HCN1: variants seen among roughly 807,000 people sequenced by gnomAD.
The protein encoded by HCN1 is hyperpolarization activated cyclic nucleotide gated potassium channel 1, also known as potassium/sodium hyperpolarization-activated cyclic nucleotide-gated channel 1.
Under a neutral mutation model 78.9 loss-of-function variants are expected in HCN1, and 13 were observed. The observed-to-expected ratio is 0.16, with a 90% confidence interval of 0.11 to 0.26. The LOEUF (loss-of-function observed/expected upper bound fraction) is 0.26, where lower values mean the gene tolerates loss of function less well. Among genes scored for constraint, HCN1 ranks in the 10% least tolerant of loss-of-function variants. HCN1 has a pLI of 1.00. For missense variants in HCN1, 810 were observed against 1,154.3 expected (o/e 0.70, Z 4.32); for synonymous variants, 552 against 455.5 (o/e 1.21, Z -2.70).
intron 2 of HCN1, among the ~76,000 whole-genome samples, chr5:45,626,671 C>T (rs1349459006): frequency 2.0e-5 from 3 of 151,744 alleles, no homozygotes; most frequent in East Asian, 3.9e-4. Context: ...AAGGACCAAG[C>T]GTCAAAAAAC....
intron 5 of HCN1, among the ~76,000 whole-genome samples, chr5:45,346,918 G>A (rs1349061906): frequency 6.6e-6 from 1 of 152,218 alleles, no homozygotes; most frequent in Non-Finnish European, 1.5e-5. Context: ...GCCTCTGTAG[G>A]CTCCACCTCT....
chr5:45,365,141 T>C (rs1037412820), intron 4 of HCN1, among the ~76,000 whole-genome samples: 2 of 152,080 alleles, frequency 1.3e-5, no homozygotes, highest in East Asian at 1.9e-4. Flanking sequence ...GCCATTTTTT[T>C]CATACGATCA....
rs543991284 is a variant in HCN1 at position 45,307,893 on chromosome 5, T to C, written c.1378-4054A>G. On this transcript the variant is annotated intron_variant, in intron 5 of 7. Transcript: ENST00000303230. ...GGTATTAAAAACGGGGGAAATTGGA[T>C]GTGATGTACATGGGAATTCTCCATA... 4.6e-5 allele frequency among the ~76,000 whole-genome samples: 7 copies of C among 152,214 alleles called. No individual in the cohort carries two copies. In the South Asian group the frequency reaches 1.2e-3, roughly 27 times the overall value.
intron 4 of HCN1, among the ~76,000 whole-genome samples, chr5:45,362,281 A>AT (rs1377883762): frequency 1.3e-5 from 2 of 151,706 alleles, no homozygotes; most frequent in Admixed American, 6.6e-5. Context: ...TCACTCTTCC[A>AT]TTTTTTTAAA....
intron 2 of HCN1, among the ~76,000 whole-genome samples, chr5:45,516,693 T>C (rs1395577564): frequency 6.6e-6 from 1 of 151,914 alleles, no homozygotes; most frequent in Non-Finnish European, 1.5e-5. Flanking sequence ...ATAGAAAAAT[T>C]TGATTAATAA....
In HCN1 at chr5:45,273,620, C is replaced by A. The variant is rs541246929; in HGVS notation, c.1619-6367G>T. 6.0e-4 allele frequency among the ~76,000 whole-genome samples: 91 copies of A among 152,212 alleles called. 2 individuals carry two copies. The highest frequency in any genetic ancestry group is 4.5e-3 in the Admixed American group (69 of 15,270). ...TAACCTGAGCTTCTAGAATTTTGGG[C>A]AAAACTGTACTTAGCTTCTCATAGT... is the stretch of plus-strand genomic sequence containing the variant. On this transcript the variant is annotated intron_variant, in intron 6 of 7. Transcript: ENST00000303230.
intron 5 of HCN1, among the ~76,000 whole-genome samples, chr5:45,336,360 T>A (rs1313120541): frequency 6.6e-6 from 1 of 152,128 alleles, no homozygotes; most frequent in African/African-American, 2.4e-5. Flanking sequence ...AACTGTAATG[T>A]TCCTTTACTA....
intron 1 of HCN1, among the ~76,000 whole-genome samples, chr5:45,658,240 A>G (rs906958333): frequency 4.6e-5 from 7 of 152,228 alleles, no homozygotes; most frequent in African/African-American, 1.4e-4. Context: ...AATTAATTCC[A>G]GATGGATTAA....
At chr5:45,645,718 G>T (rs2112032606) in intron 1 of HCN1, 110 bp from the exon 2 acceptor site, 6 of 602,458 alleles carry the variant, frequency 1.0e-5, no homozygotes, top group East Asian at 5.7e-5. Context: ...AAAGAACAAA[G>T]AAATGATTTT....
intron 1 of HCN1, among the ~76,000 whole-genome samples, chr5:45,653,619 A>G (rs1201734714): frequency 6.6e-6 from 1 of 151,958 alleles, no homozygotes; most frequent in Non-Finnish European, 1.5e-5. Context: ...TGATTTCCCA[A>G]TGATCAAATT....
At chr5:45,537,403 T>TG (rs1479944127) in intron 2 of HCN1, among the ~76,000 whole-genome samples, 8 of 16,218 alleles carry the variant, frequency 4.9e-4, no homozygotes, top group African/African-American at 1.1e-3. Context: ...TTTTTTTTTG[T>TG]TTTTTTTTAA....
chr5:45,352,994 T>C, intron 5 of HCN1, 106 bp downstream of exon 5: 2 of 900,000 alleles, frequency 2.2e-6, no homozygotes. Context: ...AATATCTTAA[T>C]AAGTTTAGGT....
rs1463145903 is a variant in HCN1 at position 45,626,513 on chromosome 5, CAACA to C, written c.849+18668_849+18671del. Among the ~76,000 whole-genome samples, 5 of 151,992 alleles carry C rather than the reference CAACA, an allele frequency of 3.3e-5. No individual in the cohort carries two copies. The East Asian group carries it at 9.7e-4, about 29-fold the overall frequency. On this transcript the variant is annotated intron_variant, in intron 2 of 7. Coordinates refer to ENST00000303230, the MANE Select transcript of HCN1 (RefSeq NM_021072.4). Reference sequence around the variant, plus strand: ...ATATAAATAAAACCATTCTAAATGCCAACAAACAAAGACTCATGATGTGAAGGTA... The same window carrying C: ...ATATAAATAAAACCATTCTAAATGCCAACAAAGACTCATGATGTGAAGGTA...
At chr5:45,611,706 A>C (rs1744841272) in intron 2 of HCN1, among the ~76,000 whole-genome samples, 1 of 152,166 alleles carries the variant, frequency 6.6e-6, no homozygotes, top group African/African-American at 2.4e-5. Flanking sequence ...AAGATATTCA[A>C]ATATGATTCT....
chr5:45,487,460 T>C (rs899192592), intron 2 of HCN1, among the ~76,000 whole-genome samples: 4 of 152,100 alleles, frequency 2.6e-5, no homozygotes, highest in Non-Finnish European at 4.4e-5. Context: ...CTCTATGTAT[T>C]CTGTTGGTTA....
chr5:45,371,947 A>ATATAATATAATTATATATT (rs1561127616), intron 4 of HCN1, among the ~76,000 whole-genome samples: 1 of 95,286 alleles, frequency 1.0e-5, no homozygotes, highest in Non-Finnish European at 1.9e-5. Context: ...TATAATATAT[A>ATATAATATAATTATATATT]ATATAATATA....
rs80344538 is a variant in HCN1 at position 45,670,815 on chromosome 5, A to G, written c.425+24854T>C. On this transcript the variant is annotated intron_variant, in intron 1 of 7. Transcript: ENST00000303230. ...GACTAACATAATTCTACCATGCAATAAATTACAGTTAATTTATCCACAATA... is the reference window on the plus strand; with the variant it reads ...GACTAACATAATTCTACCATGCAATGAATTACAGTTAATTTATCCACAATA... Among the ~76,000 whole-genome samples, 679 of 151,868 alleles carry G rather than the reference A, an allele frequency of 4.5e-3. 5 individuals are homozygous for G. The highest frequency in any genetic ancestry group is 0.016 in the African/African-American group (660 of 41,520).
intron 3 of HCN1, among the ~76,000 whole-genome samples, chr5:45,402,789 C>CCTTTCCTTT (rs1047722844): frequency 6.7e-6 from 1 of 149,106 alleles, no homozygotes; most frequent in Non-Finnish European, 1.5e-5. Flanking sequence ...TTCTTCCTTT[C>CCTTTCCTTT]CTTTCCTTTC....
chr5:45,596,002 GC>G (rs1228034621), intron 2 of HCN1, among the ~76,000 whole-genome samples: 6 of 150,950 alleles, frequency 4.0e-5, no homozygotes, highest in East Asian at 3.9e-4. Context: ...ACATTCTCCC[GC>G]CCCCGCCTCA....
Sources: allele counts gnomAD v4.1 joint callset (sites outside exome capture counted in the v4.1 genomes callset), GRCh38; gene constraint gnomAD v4.1.1; transcripts MANE v1.5; gene names NCBI Gene and HGNC (gene_info 2026-07-23, HGNC 2026-07-21).